TSHZ1: variants seen among roughly 807,000 people sequenced by gnomAD.
TSHZ1 encodes teashirt homolog 1.
Under a neutral mutation model 67.1 loss-of-function variants are expected in TSHZ1, and 12 were observed. The observed-to-expected ratio is 0.18, with a 90% CI of 0.11 to 0.29. The LOEUF (loss-of-function observed/expected upper bound fraction) is 0.29, where lower values mean the gene tolerates loss of function less well. Ranked by LOEUF, TSHZ1 falls within the 10% of genes least tolerant of loss-of-function variation. TSHZ1 has a pLI of 1.00. For missense variants in TSHZ1, 1,305 were observed against 1,413.9 expected, an observed-to-expected ratio of 0.92 and a Z score of 1.23; for synonymous variants, 632 against 622.4, an observed-to-expected ratio of 1.02 and a Z score of -0.23.
At chr18:75,236,353 C>T (rs577368475) in intron 1 of TSHZ1, among the ~76,000 whole-genome samples, 1 of 152,258 alleles carries the variant, frequency 6.6e-6, no homozygotes, top group Admixed American at 6.5e-5. Context: ...TGCGTCTTCC[C>T]CGTGCCTCTC....
rs1420123420 is a variant in TSHZ1 at position 75,281,100 on chromosome 18, G to T, written c.41-4348G>T. Among the ~76,000 whole-genome samples the T allele has an allele frequency of 1.3e-5, 2 of 152,212 alleles. No homozygotes were observed. Among genetic ancestry groups the T allele is most frequent in the Non-Finnish European group, 2.9e-5 (2 of 68,044 alleles). ...CCTGGGACACGCAGCTTCAGCAAAG[G>T]CTTGCACTCAGGGTTGTCGGGAGCA... On this transcript the variant is annotated intron_variant, in intron 1 of 1. Transcript: ENST00000580243. This position sits in a 1 kb window ranked among gnomAD's most constrained non-coding sequence, Gnocchi z 5.3.
At chr18:75,274,375 A>G (rs779008220) in intron 1 of TSHZ1, among the ~76,000 whole-genome samples, 2 of 152,150 alleles carry the variant, frequency 1.3e-5, no homozygotes, top group South Asian at 4.1e-4. Context: ...GGTGACGCCA[A>G]CGGTGAGGGT....
At chr18:75,275,614 A>G (rs1239563865) in intron 1 of TSHZ1, among the ~76,000 whole-genome samples, 2 of 152,110 alleles carry the variant, frequency 1.3e-5, no homozygotes, top group Non-Finnish European at 2.9e-5. Context: ...TTTTCGTTTC[A>G]GGGGGTCAGA....
In TSHZ1 at chr18:75,287,341, A is replaced by C; in HGVS notation, c.1934A>C (p.Lys645Thr). Residue 645 changes from lysine to threonine, a missense_variant, in exon 2 of 2, where the codon AAG becomes ACG. Coordinates refer to ENST00000580243, the MANE Select transcript of TSHZ1 (RefSeq NM_001308210.2). This position sits in a 1 kb window ranked among gnomAD's most constrained non-coding sequence, Gnocchi z 5.0. ...NVSAMEELVE[K>T]VTGKVNIKKE... ...TCTGCCATGGAGGAGCTGGTGGAGA[A>C]GGTCACGGGCAAGGTCAACATCAAG... 1 of 1,614,130 alleles carries C rather than the reference A, an allele frequency of 6.2e-7. No homozygotes were observed. Among genetic ancestry groups the C allele is most frequent in the Non-Finnish European group, 8.5e-7 (1 of 1,180,044 alleles).
At chr18:75,240,232 C>G (rs1480357547) in intron 1 of TSHZ1, among the ~76,000 whole-genome samples, 1 of 151,998 alleles carries the variant, frequency 6.6e-6, no homozygotes, top group Admixed American at 6.6e-5. Flanking sequence ...AGGCTGCCCT[C>G]TCTCTCTCTT....
intron 1 of TSHZ1, among the ~76,000 whole-genome samples, chr18:75,227,883 C>G (rs1475433231): frequency 2.0e-5 from 3 of 152,238 alleles, no homozygotes; most frequent in African/African-American, 7.2e-5. Context: ...ACAGCCATCA[C>G]TCAGGGCTTC....
chr18:75,237,191 T>G (rs1466310353), intron 1 of TSHZ1, among the ~76,000 whole-genome samples: 1 of 152,158 alleles, frequency 6.6e-6, no homozygotes, highest in East Asian at 1.9e-4. Context: ...CACCTTGGTG[T>G]GAATCTTTCT....
At chr18:75,263,082 G>T (rs1356194285) in intron 1 of TSHZ1, among the ~76,000 whole-genome samples, 2 of 152,148 alleles carry the variant, frequency 1.3e-5, no homozygotes, top group African/African-American at 4.8e-5. Flanking sequence ...TGCCTCCACA[G>T]TCAATGTGTT....
chr18:75,283,606 C>T (rs978154041), intron 1 of TSHZ1: 1 of 152,214 alleles, frequency 6.6e-6, no homozygotes, highest in Admixed American at 6.5e-5. Flanking sequence ...TGCGTGAACA[C>T]AGGTGCGCAG....
intron 1 of TSHZ1, among the ~76,000 whole-genome samples, chr18:75,250,309 C>T (rs1357420590): frequency 6.6e-6 from 1 of 152,202 alleles, no homozygotes; most frequent in Non-Finnish European, 1.5e-5. Flanking sequence ...GCTCCACGCC[C>T]ACACCCTCGC....
intron 1 of TSHZ1, among the ~76,000 whole-genome samples, chr18:75,248,958 G>A (rs1018400191): frequency 6.6e-6 from 1 of 152,174 alleles, no homozygotes; most frequent in Non-Finnish European, 1.5e-5. Context: ...CCACCTCCGC[G>A]TGGGAGGAGG....
intron 1 of TSHZ1, among the ~76,000 whole-genome samples, chr18:75,239,520 A>G (rs1374608647): frequency 2.0e-5 from 3 of 152,120 alleles, no homozygotes; most frequent in Non-Finnish European, 4.4e-5. Flanking sequence ...TTTTTTTAAG[A>G]GACTGGATCT....
At chr18:75,244,327 G>A (rs753279833) in intron 1 of TSHZ1, among the ~76,000 whole-genome samples, 12 of 152,048 alleles carry the variant, frequency 7.9e-5, no homozygotes, top group Non-Finnish European at 1.5e-4. Context: ...GTGTAGCTCC[G>A]ATGGTTTCCG....
chr18:75,265,575 T>A (rs769633908), intron 1 of TSHZ1, among the ~76,000 whole-genome samples: 72 of 152,244 alleles, frequency 4.7e-4, no homozygotes, highest in Non-Finnish European at 7.2e-4. Context: ...AAAGTGTCAC[T>A]GTGCATAGCA....
intron 1 of TSHZ1, among the ~76,000 whole-genome samples, chr18:75,234,411 A>T (rs557723058): frequency 6.6e-6 from 1 of 152,256 alleles, no homozygotes; most frequent in Non-Finnish European, 1.5e-5. Context: ...TGTTCCTCGT[A>T]AAGTTTTTGC....
chr18:75,259,701 A>G (rs897393473), intron 1 of TSHZ1, among the ~76,000 whole-genome samples: 1 of 152,184 alleles, frequency 6.6e-6, no homozygotes, highest in Non-Finnish European at 1.5e-5. Context: ...TATAAATTAA[A>G]TTTTATAATG....
chr18:75,252,300 A>G (rs956623372), intron 1 of TSHZ1, among the ~76,000 whole-genome samples: 1 of 152,204 alleles, frequency 6.6e-6, no homozygotes, highest in African/African-American at 2.4e-5. Context: ...AATTCCCACA[A>G]GTAAAATTAC....
chr18:75,273,473 T>C (rs924821217), intron 1 of TSHZ1, among the ~76,000 whole-genome samples: 2 of 152,262 alleles, frequency 1.3e-5, no homozygotes, highest in Admixed American at 1.3e-4. Context: ...GTGAGTCTTG[T>C]TTTCTTTAAA....
intron 1 of TSHZ1, among the ~76,000 whole-genome samples, chr18:75,229,914 C>T (rs921770502): frequency 3.3e-5 from 5 of 152,142 alleles, no homozygotes; most frequent in African/African-American, 1.2e-4. Flanking sequence ...CAGGAAAATA[C>T]CATCTGGAAA....
Sources: gnomAD v4.1 joint callset for allele counts (sites outside exome capture counted in the v4.1 genomes callset) on GRCh38, gnomAD v4.1.1 for gene constraint, Gnocchi (gnomAD v3.1) non-coding constraint, MANE v1.5 for transcripts, NCBI Gene and HGNC (gene_info 2026-07-23, HGNC 2026-07-21) for gene names.